NUAK2: variants seen among roughly 807,000 people sequenced by gnomAD.
The protein encoded by NUAK2 is NUAK family SNF1-like kinase 2.
In NUAK2, 20 loss-of-function variants were observed where a neutral mutation model predicts 29.8. The ratio of observed to expected loss-of-function variants is 0.67; its 90% CI spans 0.47 to 0.98. NUAK2 has a LOEUF of 0.98. NUAK2 is among the 50% of genes least tolerant of loss of function. The probability of loss-of-function intolerance (pLI) is 0.00; values close to 1 mark genes in which losing one functional copy is unlikely to be tolerated. For synonymous variants in NUAK2, 331 were observed against 342.6 expected, an observed-to-expected ratio of 0.97 and a Z score of 0.37; for missense variants, 719 against 834.5, an observed-to-expected ratio of 0.86 and a Z score of 1.71.
intron 1 of NUAK2, 47 bp from the exon 2 acceptor site, chr1:205,311,872 C>T (rs112567388): frequency 1.1e-5 from 18 of 1,609,672 alleles, no homozygotes; most frequent in African/African-American, 6.7e-5. Context: ...TGGCAGAGGA[C>T]ACTCTGGGGG....
In NUAK2 at chr1:205,311,715, G is replaced by A; in HGVS notation, c.342C>T (p.Ala114=). 1 of 1,614,122 alleles carries A rather than the reference G, an allele frequency of 6.2e-7. No homozygotes were observed. The highest frequency in any genetic ancestry group is 8.5e-7 in the Non-Finnish European group (1 of 1,179,996). ...MSSLNHPHII[A]IHEVFENSSK... ...AAGTGCCCACTGTACCTTCATGGAT[G>A]GCAATGATGTGAGGGTGGTTGAGTG... Residue 114 remains alanine (A), a synonymous_variant, in exon 2 of 7, where the codon GCC becomes GCT. Coordinates refer to ENST00000367157, the MANE Select transcript of NUAK2 (RefSeq NM_030952.3).
Position 205,311,859 on chromosome 1 carries a change from G to A in NUAK2, c.232-34C>T, listed in dbSNP as rs376101328. 112 of 1,611,678 alleles carry A rather than the reference G, an allele frequency of 6.9e-5. No homozygotes were observed. In the African/African-American group the frequency reaches 1.4e-3, roughly 21 times the overall value. ...AGAAGGCATGAGAGTGAGGAGAAAG[G>A]TTTGGCAGAGGACACTCTGGGGGCC... On this transcript the variant is annotated intron_variant, in intron 1 of 6. Transcript: ENST00000367157.
rs1166613159 is a variant in NUAK2, at chr1:205,303,745, C to T, written c.1592G>A (p.Arg531His). The part of the protein sequence containing the change: ...FGSLDELAPP[R>H]PLARASRPSG... ...GGGTCGGCTGGCCCGGGCCAGGGGG[C>T]GAGGTGGGGCGAGTTCATCCAGGGA... The change falls in exon 7 of 7, where the codon CGC (arginine) becomes CAC (histidine). Residue 531 changes from arginine (R) to histidine (H), a missense_variant. Physicochemically the swap from Arg to His is conservative, Grantham distance 29. This residue lies in a region of NUAK2 where 430 missense variants were observed against 465.7 expected (regional missense o/e 0.92). Coordinates refer to ENST00000367157, the MANE Select transcript of NUAK2 (RefSeq NM_030952.3). The T allele has an allele frequency of 8.4e-6, 13 of 1,541,072 alleles. No homozygotes were observed. The Admixed American group carries it at 1.4e-4, about 17-fold the overall frequency.
Position 205,304,642 on chromosome 1 carries a change from A to C in NUAK2, c.824-129T>G. On this transcript the variant is annotated intron_variant, in intron 6 of 6. Transcript: ENST00000367157. This position sits in a 1 kb window ranked among gnomAD's most constrained non-coding sequence, Gnocchi z 6.5. ...TCCTGGGTCGGATGCGTCCCTTCCA[A>C]CCTAGGGCTCTATACATGCCTTGGC... is the stretch of plus-strand genomic sequence containing the variant. 1.3e-6 allele frequency: 1 copy of C among 794,742 alleles called. No individual in the cohort carries two copies. Among genetic ancestry groups the C allele is most frequent in the South Asian group, 2.0e-5 (1 of 49,252 alleles). 49.2% of individuals were successfully genotyped at this position (794,742 alleles called of 1,614,324 possible). A position where few individuals can be genotyped will look rare whatever the true frequency, so the allele number is the denominator to read the frequency against.
chr1:205,321,733 T>C lies in NUAK2; in HGVS notation c.-105A>G. The C allele has an allele frequency of 2.3e-6, 2 of 887,130 alleles. No homozygotes were observed. The highest frequency in any genetic ancestry group is 2.6e-5 in the East Asian group (1 of 38,762). The allele number at this position is 887,130 out of a possible 1,614,324, so 55.0% of individuals were successfully genotyped here. A position where few individuals can be genotyped will look rare whatever the true frequency, so the allele number is the denominator to read the frequency against. On this transcript the variant is annotated 5_prime_UTR_variant, in exon 1 of 7. Coordinates refer to ENST00000367157, the MANE Select transcript of NUAK2 (RefSeq NM_030952.3). ...GCACCAGGACGGGGAGCCACAGCAG[T>C]ACCAGAGCGCGCAGTAAAGCACAGC...
At chr1:205,307,101 G>A (rs914011943) in intron 4 of NUAK2, among the ~76,000 whole-genome samples, 2 of 152,156 alleles carry the variant, frequency 1.3e-5, no homozygotes, top group African/African-American at 2.4e-5. Context: ...CCATCGTCTC[G>A]TTGCCCGGAG....
At chr1:205,320,137 C>T (rs1662390632) in intron 1 of NUAK2, among the ~76,000 whole-genome samples, 1 of 152,210 alleles carries the variant, frequency 6.6e-6, no homozygotes, top group Non-Finnish European at 1.5e-5. Context: ...TCCTTACGTA[C>T]TTTAAACTCA....
Position 205,308,546 on chromosome 1 carries a change from C to A in NUAK2, c.504+35G>T, listed in dbSNP as rs781744454. ...CAGCCCTAGAGCCCTGGGGACCACC[C>A]ACTGAGAATATGGCTGGAGCAGGTA... On this transcript the variant is annotated intron_variant, in intron 3 of 6. Coordinates refer to ENST00000367157, the MANE Select transcript of NUAK2 (RefSeq NM_030952.3). The surrounding 1 kb of genome is among the most constrained non-coding windows in gnomAD (Gnocchi z 4.1). 6.2e-7 allele frequency: 1 copy of A among 1,601,024 alleles called. No individual in the cohort carries two copies. Among genetic ancestry groups the A allele is most frequent in the Admixed American group, 1.7e-5 (1 of 59,808 alleles).
At chr1:205,316,359 G>A (rs1267016281) in intron 1 of NUAK2, among the ~76,000 whole-genome samples, 1 of 152,242 alleles carries the variant, frequency 6.6e-6, no homozygotes, top group Non-Finnish European at 1.5e-5. Flanking sequence ...CCACAGTCCA[G>A]TGGGAGGACT....
chr1:205,306,244 T>A lies in NUAK2; in HGVS notation c.634A>T (p.Ser212Cys). The change falls in exon 5 of 7, where the codon AGC (serine) becomes TGC (cysteine). Residue 212 changes from serine to cysteine, a missense_variant. Ser to Cys is a moderately radical substitution (Grantham distance 112). Coordinates refer to ENST00000367157, the MANE Select transcript of NUAK2 (RefSeq NM_030952.3). The part of the protein sequence containing the change: ...QGKFLQTFCG[S>C]PLYASPEIVN... ...ATCTCTGGCGAGGCATAGAGGGGGC[T>A]CCCACAGAATGTCTGCAGGAACTTG... 6.2e-7 allele frequency: 1 copy of A among 1,613,752 alleles called. No individual in the cohort carries two copies. The highest frequency in any genetic ancestry group is 1.1e-5 in the South Asian group (1 of 91,064).
At chr1:205,319,223 G>A (rs1357248964) in intron 1 of NUAK2, among the ~76,000 whole-genome samples, 2 of 152,170 alleles carry the variant, frequency 1.3e-5, no homozygotes, top group Non-Finnish European at 2.9e-5. Context: ...AGAACTGGGT[G>A]GTCTATGGAT....
At chr1:205,306,931 C>T (rs1390987427) in intron 4 of NUAK2, among the ~76,000 whole-genome samples, 3 of 152,222 alleles carry the variant, frequency 2.0e-5, no homozygotes, top group Non-Finnish European at 4.4e-5. Context: ...GCAAAGGGCT[C>T]ATTCCTGTGT....
intron 1 of NUAK2, among the ~76,000 whole-genome samples, chr1:205,316,190 A>G (rs1000098269): frequency 6.6e-6 from 1 of 152,200 alleles, no homozygotes; most frequent in African/African-American, 2.4e-5. Flanking sequence ...AACATAAGTC[A>G]CTTGACCAGA....
intron 1 of NUAK2, 118 bp downstream of exon 1, chr1:205,321,280 T>A (rs1332476963): frequency 2.2e-6 from 2 of 893,436 alleles, no homozygotes; most frequent in Admixed American, 6.4e-5. Context: ...CTCAGCGCGG[T>A]AAAGACCACG....
rs1356143375 is a variant in NUAK2 at position 205,304,410 on chromosome 1, G to C, written c.927C>G (p.Thr309=). ...SHWWVNWGYA[T]RVGEQEAPHE... ...GCGGAGCCTCCTGCTCTCCCACTCG[G>C]GTGGCGTAGCCCCAGTTGACCCACC... Residue 309 remains threonine, a synonymous_variant, in exon 7 of 7, where the codon ACC becomes ACG. Coordinates refer to ENST00000367157, the MANE Select transcript of NUAK2 (RefSeq NM_030952.3). This position sits in a 1 kb window ranked among gnomAD's most constrained non-coding sequence, Gnocchi z 6.5. 2 of 1,600,268 alleles carry C rather than the reference G, an allele frequency of 1.2e-6. No homozygotes were observed. Among genetic ancestry groups the C allele is most frequent in the Non-Finnish European group, 1.7e-6 (2 of 1,171,958 alleles).
intron 2 of NUAK2, among the ~76,000 whole-genome samples, chr1:205,309,293 C>T (rs1662223954): frequency 6.6e-6 from 1 of 152,090 alleles, no homozygotes. Flanking sequence ...ATAGGTCTGA[C>T]ATATAAACAA....
chr1:205,305,817 T>C (rs1020277441), intron 5 of NUAK2, among the ~76,000 whole-genome samples: 3 of 152,208 alleles, frequency 2.0e-5, no homozygotes, highest in Admixed American at 6.5e-5. Context: ...GTTCAAGTGA[T>C]TCTCCTGCCT....
intron 2 of NUAK2, among the ~76,000 whole-genome samples, chr1:205,309,220 C>T (rs144144914): frequency 1.3e-5 from 2 of 152,264 alleles, no homozygotes; most frequent in African/African-American, 4.8e-5. Flanking sequence ...GGCAACCTCA[C>T]AGGGCTGGGG....
Position 205,303,731 on chromosome 1 carries a change from C to T in NUAK2, c.1606G>A (p.Ala536Thr), listed in dbSNP as rs1662125172. 6.5e-7 allele frequency: 1 copy of T among 1,538,932 alleles called. No individual in the cohort carries two copies. The highest frequency in any genetic ancestry group is 2.3e-5 in the East Asian group (1 of 44,312). ...CTCACAGCCCCTGAGGGTCGGCTGG[C>T]CCGGGCCAGGGGGCGAGGTGGGGCG... is the stretch of plus-strand genomic sequence containing the variant. ...ELAPPRPLAR[A>T]SRPSGAVSED... The change falls in exon 7 of 7, where the codon GCC (alanine) becomes ACC (threonine). Residue 536 changes from alanine to threonine, a missense_variant. Coordinates refer to ENST00000367157, the MANE Select transcript of NUAK2 (RefSeq NM_030952.3).
Sources: allele counts gnomAD v4.1 joint callset (sites outside exome capture counted in the v4.1 genomes callset), GRCh38; gene constraint gnomAD v4.1.1; regional missense constraint gnomAD v4.1.1; non-coding constraint Gnocchi (gnomAD v3.1); transcripts MANE v1.5; gene names NCBI Gene and HGNC (gene_info 2026-07-23, HGNC 2026-07-21).